The following C1orf87 variants were observed in gnomAD, a reference collection of about 807,000 sequenced individuals.
C1orf87 encodes chromosome 1 open reading frame 87.
Under a neutral mutation model 60.5 loss-of-function variants are expected in C1orf87, and 58 were observed. The ratio of observed to expected loss-of-function variants is 0.96; its 90% CI spans 0.78 to 1.19. The LOEUF (loss-of-function observed/expected upper bound fraction) is 1.19, where lower values mean the gene tolerates loss of function less well. Ranked by LOEUF, C1orf87 falls within the 50% of genes most tolerant of loss-of-function variation. The pLI, the probability that C1orf87 is intolerant of heterozygous loss-of-function variation, is 0.00. For synonymous variants in C1orf87, 236 were observed against 227.4 expected (o/e 1.04, Z -0.34); for missense variants, 673 against 638.6 (o/e 1.05, Z -0.58).
chr1:60,061,776 C>CGAAAA (rs1645497948), intron 2 of C1orf87, among the ~76,000 whole-genome samples: 1 of 53,156 alleles, frequency 1.9e-5, no homozygotes, highest in African/African-American at 7.3e-5. Context: ...CCATCTCTAC[C>CGAAAA]AAAAAAAAAA....
intron 11 of C1orf87, among the ~76,000 whole-genome samples, chr1:59,992,172 C>T (rs888452118): frequency 9.2e-5 from 14 of 152,010 alleles, no homozygotes. Context: ...CTAAGGTTAA[C>T]CACTACAGTA....
chr1:60,064,301 T>G (rs1413841988), intron 2 of C1orf87, among the ~76,000 whole-genome samples: 5 of 129,762 alleles, frequency 3.9e-5, no homozygotes, highest in Admixed American at 3.1e-4. Context: ...ATATATATTT[T>G]ATATATAATA....
intron 9 of C1orf87, among the ~76,000 whole-genome samples, chr1:60,002,355 G>C (rs1265676334): frequency 1.3e-5 from 2 of 151,994 alleles, no homozygotes; most frequent in Non-Finnish European, 2.9e-5. Context: ...ACACCTATAG[G>C]CTATTGTAAG....
chr1:60,027,176 G>T (rs1353853305), intron 7 of C1orf87, among the ~76,000 whole-genome samples: 2 of 152,098 alleles, frequency 1.3e-5, no homozygotes, highest in Non-Finnish European at 2.9e-5. Context: ...GGGCTTTGTT[G>T]ACCCTGGAGA....
chr1:60,031,035 C>A (rs541512567), intron 7 of C1orf87, among the ~76,000 whole-genome samples: 10 of 152,024 alleles, frequency 6.6e-5, no homozygotes, highest in South Asian at 4.2e-4. Flanking sequence ...TTTTTTTAAT[C>A]TTTCTGGAGA....
intron 9 of C1orf87, among the ~76,000 whole-genome samples, chr1:60,002,112 T>C (rs1645010357): frequency 6.6e-6 from 1 of 152,148 alleles, no homozygotes; most frequent in Non-Finnish European, 1.5e-5. Flanking sequence ...AGATATGCCA[T>C]TAACAAATGT....
chr1:60,028,990 A>G (rs1645218259), intron 7 of C1orf87, among the ~76,000 whole-genome samples: 1 of 152,086 alleles, frequency 6.6e-6, no homozygotes. Context: ...CTTAACTACT[A>G]TGAATTCCAC....
At chr1:60,021,711 G>C (rs1013975662) in intron 8 of C1orf87, among the ~76,000 whole-genome samples, 1 of 152,158 alleles carries the variant, frequency 6.6e-6, no homozygotes, top group Non-Finnish European at 1.5e-5. Context: ...ATCATCTACT[G>C]TCTGTCAGGG....
At chr1:60,072,156 C>T (rs1423715496) in intron 2 of C1orf87, among the ~76,000 whole-genome samples, 1 of 152,142 alleles carries the variant, frequency 6.6e-6, no homozygotes, top group Non-Finnish European at 1.5e-5. Flanking sequence ...TGTATTAATC[C>T]TACTCCTGTA....
intron 8 of C1orf87, among the ~76,000 whole-genome samples, chr1:60,022,664 T>G (rs1212904003): frequency 1.3e-5 from 2 of 152,088 alleles, no homozygotes; most frequent in Non-Finnish European, 2.9e-5. Context: ...TTTTTTTCCC[T>G]CATTAAGTTG....
At chr1:60,061,792 AAAAAAAAAAAT>A (rs1336891453) in intron 2 of C1orf87, among the ~76,000 whole-genome samples, 1 of 150,628 alleles carries the variant, frequency 6.6e-6, no homozygotes, top group Non-Finnish European at 1.5e-5. Context: ...AAAAAAAAAA[AAAAAAAAAAAT>A]AGCTGGGCTT....
At chr1:60,007,112 T>C (rs1212661879) in intron 9 of C1orf87, among the ~76,000 whole-genome samples, 2 of 152,036 alleles carry the variant, frequency 1.3e-5, no homozygotes, top group South Asian at 2.1e-4. Flanking sequence ...GGGTTTCACC[T>C]TGTTGCCCAG....
intron 3 of C1orf87, among the ~76,000 whole-genome samples, chr1:60,041,727 G>T (rs1170468840): frequency 1.3e-5 from 2 of 152,044 alleles, no homozygotes; most frequent in Admixed American, 6.5e-5. Context: ...TTGCTGGCTG[G>T]GGGGACTGCC....
intron 9 of C1orf87, chr1:60,008,639 A>C (rs1645062368): frequency 6.7e-6 from 3 of 450,896 alleles, no homozygotes; most frequent in African/African-American, 6.0e-5. Flanking sequence ...GGACACATCA[A>C]GTATCCACCT....
chr1:60,010,115 C>T (rs944529456), intron 9 of C1orf87, among the ~76,000 whole-genome samples: 1 of 151,518 alleles, frequency 6.6e-6, no homozygotes, highest in Non-Finnish European at 1.5e-5. Context: ...ATAATACTAA[C>T]TTCCATAAAT....
chr1:60,026,363 T>C lies in C1orf87; in HGVS notation c.1030-865A>G, dbSNP rs573742501. 7.2e-5 allele frequency among the ~76,000 whole-genome samples: 11 copies of C among 152,258 alleles called. 1 individual carries two copies. Among genetic ancestry groups the C allele is most frequent in the Admixed American group, 6.5e-4 (10 of 15,288 alleles). ...GTACTTTCTATTTCCCAGGATTCTGTCAGGATTGCATGATAAAATTAGCAT... is the reference window on the plus strand; with the variant it reads ...GTACTTTCTATTTCCCAGGATTCTGCCAGGATTGCATGATAAAATTAGCAT... On this transcript the variant is annotated intron_variant, in intron 7 of 11. Transcript: ENST00000371201.
intron 3 of C1orf87, among the ~76,000 whole-genome samples, chr1:60,042,222 T>C (rs1262881548): frequency 6.6e-6 from 1 of 152,150 alleles, no homozygotes; most frequent in Non-Finnish European, 1.5e-5. Context: ...ACATGGTTAT[T>C]TTATTTATTT....
intron 2 of C1orf87, among the ~76,000 whole-genome samples, chr1:60,067,519 G>T (rs529159195): frequency 7.1e-6 from 1 of 140,232 alleles, no homozygotes; most frequent in East Asian, 2.1e-4. Flanking sequence ...GTCTTCTTTT[G>T]AGAAGTGTCT....
chr1:60,033,759 C>T (rs973068699), intron 6 of C1orf87, 118 bp from the exon 7 acceptor site: 3 of 1,126,118 alleles, frequency 2.7e-6, no homozygotes, highest in Admixed American at 2.5e-5. Context: ...AGCCCATCTA[C>T]GTAGGCCCTC....
Sources: gnomAD v4.1 joint callset for allele counts (sites outside exome capture counted in the v4.1 genomes callset) on GRCh38, gnomAD v4.1.1 for gene constraint, MANE v1.5 for transcripts, NCBI Gene and HGNC (gene_info 2026-07-23, HGNC 2026-07-21) for gene names.